Variants in CCSER1 observed in about 807,000 individuals in gnomAD.
CCSER1 encodes serine-rich coiled-coil domain-containing protein 1.
A neutral mutation model predicts 82.0 loss-of-function variants in CCSER1; 41 were observed. That is an observed-to-expected ratio of 0.50 (90% CI 0.39 to 0.65). The LOEUF (loss-of-function observed/expected upper bound fraction) is 0.65. CCSER1 is among the 30% of genes least tolerant of loss of function. The pLI is 0.00. For missense variants in CCSER1, 1,119 were observed against 1,064.2 expected, an observed-to-expected ratio of 1.05 and a Z score of -0.72; for synonymous variants, 414 against 383.9, an observed-to-expected ratio of 1.08 and a Z score of -0.92.
rs1598145 is a variant in CCSER1, at chr4:90,809,170, A to G, written c.2011-6592A>G. On this transcript the variant is annotated intron_variant, in intron 7 of 10. Coordinates refer to ENST00000509176, the MANE Select transcript of CCSER1 (RefSeq NM_001145065.2). Reference sequence around the variant, plus strand: ...CCATTTCCACACACACACACACACAATTAGCTAGGCATGGTAGCATATGCC... The same window carrying G: ...CCATTTCCACACACACACACACACAGTTAGCTAGGCATGGTAGCATATGCC... 5.3e-4 allele frequency among the ~76,000 whole-genome samples: 79 copies of G among 150,130 alleles called. 1 individual carries two copies. The East Asian group carries it at 0.012, about 23-fold the overall frequency.
At chr4:90,945,536 A>G (rs1181433751) in intron 9 of CCSER1, among the ~76,000 whole-genome samples, 2 of 152,192 alleles carry the variant, frequency 1.3e-5, no homozygotes, top group Admixed American at 1.3e-4. Context: ...GAAATACATG[A>G]CAATTCCCAT....
intron 7 of CCSER1, among the ~76,000 whole-genome samples, chr4:90,764,321 G>A (rs1437540364): frequency 6.6e-6 from 1 of 152,102 alleles, no homozygotes; most frequent in Non-Finnish European, 1.5e-5. Context: ...AATTAGTTTT[G>A]ACTGATAGAG....
intron 9 of CCSER1, among the ~76,000 whole-genome samples, chr4:91,021,056 A>T (rs1287355867): frequency 2.6e-5 from 4 of 152,184 alleles, no homozygotes; most frequent in African/African-American, 9.6e-5. Flanking sequence ...CCATTATGAG[A>T]TTATGCCAAC....
At chr4:91,027,927 A>T (rs937824491) in intron 9 of CCSER1, among the ~76,000 whole-genome samples, 2 of 152,072 alleles carry the variant, frequency 1.3e-5, no homozygotes, top group Admixed American at 1.3e-4. Context: ...CTCTGTTGCA[A>T]TGTCATTCTG....
At chr4:90,484,541 C>T (rs1049247102) in intron 5 of CCSER1, among the ~76,000 whole-genome samples, 19 of 151,986 alleles carry the variant, frequency 1.3e-4, no homozygotes, top group South Asian at 4.2e-4. Context: ...GACATACAGA[C>T]GGGTTTTTGG....
At chr4:91,292,225 T>G (rs1743804101) in intron 10 of CCSER1, among the ~76,000 whole-genome samples, 1 of 151,992 alleles carries the variant, frequency 6.6e-6, no homozygotes. Context: ...ACTGGGTATT[T>G]GTACAACTGA....
intron 7 of CCSER1, among the ~76,000 whole-genome samples, chr4:90,802,496 A>G (rs1476369385): frequency 1.3e-5 from 2 of 151,898 alleles, no homozygotes; most frequent in African/African-American, 4.8e-5. Flanking sequence ...CTCTTAAGTG[A>G]GCATATAAAG....
intron 5 of CCSER1, among the ~76,000 whole-genome samples, chr4:90,474,893 AATT>A (rs1764848943): frequency 2.0e-5 from 3 of 152,250 alleles, no homozygotes; most frequent in African/African-American, 7.2e-5. Context: ...GAAAATGAGA[AATT>A]ATCTTTATTA....
At chr4:91,376,917 A>C (rs775856031) in intron 10 of CCSER1, among the ~76,000 whole-genome samples, 4 of 54,526 alleles carry the variant, frequency 7.3e-5, no homozygotes, top group Middle Eastern at 8.1e-3. Flanking sequence ...CACCCAGGAC[A>C]GGCCCCAGTG....
intron 1 of CCSER1, among the ~76,000 whole-genome samples, chr4:90,177,745 C>T (rs1732971214): frequency 6.6e-6 from 1 of 151,970 alleles, no homozygotes; most frequent in Non-Finnish European, 1.5e-5. Flanking sequence ...ATGCGTTTTC[C>T]GTGTATACAA....
chr4:91,439,158 C>T (rs181297975), intron 10 of CCSER1, among the ~76,000 whole-genome samples: 91 of 152,190 alleles, frequency 6.0e-4, no homozygotes, highest in Admixed American at 4.1e-3. Context: ...TCGAGAAGAG[C>T]AACTCCAAGA....
chr4:90,717,769 G>C (rs1039685550), intron 6 of CCSER1, among the ~76,000 whole-genome samples: 2 of 146,974 alleles, frequency 1.4e-5, no homozygotes, highest in East Asian at 3.9e-4. Flanking sequence ...CACATATATA[G>C]TGTATATATA....
chr4:91,431,556 C>T (rs1024620149), intron 10 of CCSER1, among the ~76,000 whole-genome samples: 22 of 152,078 alleles, frequency 1.4e-4, no homozygotes, highest in African/African-American at 4.6e-4. Context: ...CAACCTCTGC[C>T]TCCCAGGTTC....
chr4:91,388,567 G>C (rs1751455089), intron 10 of CCSER1, among the ~76,000 whole-genome samples: 1 of 152,078 alleles, frequency 6.6e-6, no homozygotes, highest in Non-Finnish European at 1.5e-5. Context: ...CCAACATTTA[G>C]TGTTGTCAGT....
At chr4:91,438,824 C>T (rs954479491) in intron 10 of CCSER1, among the ~76,000 whole-genome samples, 32 of 152,148 alleles carry the variant, frequency 2.1e-4, no homozygotes, top group African/African-American at 6.3e-4. Context: ...TCGAGAACTA[C>T]GTGAAGAATG....
At chr4:90,944,305 A>G (rs1410394831) in intron 9 of CCSER1, among the ~76,000 whole-genome samples, 1 of 152,082 alleles carries the variant, frequency 6.6e-6, no homozygotes, top group Non-Finnish European at 1.5e-5. Flanking sequence ...GTTGGTTATT[A>G]ATGAAAAAAA....
intron 7 of CCSER1, among the ~76,000 whole-genome samples, chr4:90,744,353 T>G (rs1481165541): frequency 6.6e-6 from 1 of 152,132 alleles, no homozygotes; most frequent in Non-Finnish European, 1.5e-5. Flanking sequence ...AGTAATAAAA[T>G]GCAAAATGAA....
At chr4:91,472,206 G>T (rs1022217289) in intron 10 of CCSER1, among the ~76,000 whole-genome samples, 1 of 151,886 alleles carries the variant, frequency 6.6e-6, no homozygotes, top group Non-Finnish European at 1.5e-5. Context: ...TTCATTTTAG[G>T]GCTTCGCTGA....
At chr4:90,760,539 A>G (rs563193045) in intron 7 of CCSER1, among the ~76,000 whole-genome samples, 2 of 152,184 alleles carry the variant, frequency 1.3e-5, no homozygotes, top group East Asian at 3.9e-4. Flanking sequence ...ACATAGAACA[A>G]TCATTTTGAA....
Sources: allele counts gnomAD v4.1 joint callset (sites outside exome capture counted in the v4.1 genomes callset), GRCh38; gene constraint gnomAD v4.1.1; transcripts MANE v1.5; gene names NCBI Gene and HGNC (gene_info 2026-07-23, HGNC 2026-07-21).